The following D2HGDH variants were observed in gnomAD, a reference collection of about 807,000 sequenced individuals.
The protein encoded by D2HGDH is D-2-hydroxyglutarate dehydrogenase.
Under a neutral mutation model 46.9 loss-of-function variants are expected in D2HGDH, and 31 were observed. The ratio of observed to expected loss-of-function variants is 0.66; its 90% confidence interval spans 0.50 to 0.89. The LOEUF is 0.89. Ranked by LOEUF, D2HGDH falls within the 40% of genes least tolerant of loss-of-function variation. D2HGDH has a pLI of 0.00. For missense variants in D2HGDH, 698 were observed against 720.8 expected (o/e 0.97, Z 0.36); for synonymous variants, 364 against 332.6 (o/e 1.09, Z -1.03).
At chr2:241,747,981 T>C (rs1696319750) in intron 6 of D2HGDH, among the ~76,000 whole-genome samples, 1 of 152,210 alleles carries the variant, frequency 6.6e-6, no homozygotes, top group Non-Finnish European at 1.5e-5. Flanking sequence ...GGGGGTCTCC[T>C]GGATTCCTCA....
rs142073267 is a variant in D2HGDH, at chr2:241,750,287, G to A, written c.990G>A (p.Pro330=). The A allele has an allele frequency of 7.9e-4, 1,276 of 1,612,792 alleles. 11 individuals carry two copies. In the African/African-American group the frequency reaches 0.014, roughly 18 times the overall value. Residue 330 remains proline, a synonymous_variant, in exon 7 of 10, where the codon CCG becomes CCA. Transcript: ENST00000321264. ...GGCGCCATCTCCACCTGGCCAGCCC[G>A]GTGCAAGGTACTGACCCCCCACACA... ...LVGRHLHLAS[P]VQESPFYVLI... is the part of the protein sequence containing the mutation.
At chr2:241,740,917 G>A in intron 2 of D2HGDH, 116 bp from the exon 3 acceptor site, 1 of 813,794 alleles carries the variant, frequency 1.2e-6, no homozygotes, top group Non-Finnish European at 2.1e-6. Context: ...TTCAGCCTGG[G>A]CAACAGAGTG....
At chr2:241,746,042 T>C (rs1559367702) in intron 6 of D2HGDH, among the ~76,000 whole-genome samples, 1 of 152,230 alleles carries the variant, frequency 6.6e-6, no homozygotes, top group African/African-American at 2.4e-5. Context: ...TACGTTCTTT[T>C]TCATCTCCTT....
chr2:241,763,928 C>T (rs1400107553), intron 9 of D2HGDH, among the ~76,000 whole-genome samples: 1 of 152,096 alleles, frequency 6.6e-6, no homozygotes. Context: ...TACATGCCTG[C>T]AGTCCCAGCT....
intron 3 of D2HGDH, 65 bp downstream of exon 3, chr2:241,741,155 C>G (rs868598412): frequency 2.7e-6 from 4 of 1,490,480 alleles, no homozygotes; most frequent in South Asian, 2.3e-5. Context: ...CCTCATGGAG[C>G]CTGTGGGCAG....
At chr2:241,745,705 A>T (rs1411035960) in intron 6 of D2HGDH, among the ~76,000 whole-genome samples, 1 of 152,086 alleles carries the variant, frequency 6.6e-6, no homozygotes, top group African/African-American at 2.4e-5. Context: ...GTCTGGGATT[A>T]TGTTGCAAAC....
At position 241,743,548 on chromosome 2, in the gene D2HGDH, A is replaced by G; in HGVS notation, c.491-74A>G. On this transcript the variant is annotated intron_variant, in intron 4 of 9. Transcript: ENST00000321264. This position sits in a 1 kb window ranked among gnomAD's most constrained non-coding sequence, Gnocchi z 4.8. ...CTTCTGGGTGGCTTGCCTGTGCAAG[A>G]TGGGGGTTGGGACTCACCAGCCCGG... 1.3e-6 allele frequency: 2 copies of G among 1,537,302 alleles called. No individual in the cohort carries two copies. The highest frequency in any genetic ancestry group is 1.2e-5 in the South Asian group (1 of 85,428).
At chr2:241,754,312 GTGACCCAAGGGTCTGATC>G (rs1559387155) in intron 8 of D2HGDH, among the ~76,000 whole-genome samples, 1 of 152,188 alleles carries the variant, frequency 6.6e-6, no homozygotes, top group Admixed American at 6.5e-5. Flanking sequence ...AGGGCAGGGC[GTGACCCAAGGGTCTGATC>G]TGACCGAACT....
chr2:241,755,502 G>A (rs1216949999), intron 8 of D2HGDH: 1 of 1,347,762 alleles, frequency 7.4e-7, no homozygotes. Flanking sequence ...CTTCCGTCAT[G>A]GCTGTCCCCC....
intron 8 of D2HGDH, among the ~76,000 whole-genome samples, chr2:241,753,597 G>A (rs1288508479): frequency 2.0e-5 from 3 of 152,200 alleles, no homozygotes; most frequent in African/African-American, 7.2e-5. Flanking sequence ...CCGCTGCCGC[G>A]GGGGCCCTGT....
rs769335797 is a variant in D2HGDH at position 241,743,629 on chromosome 2, G to C, written c.498G>C (p.Leu166=). 1.2e-6 allele frequency: 2 copies of C among 1,613,314 alleles called. No individual in the cohort carries two copies. Among genetic ancestry groups the C allele is most frequent in the Non-Finnish European group, 1.7e-6 (2 of 1,179,892 alleles). Residue 166 remains leucine, a synonymous_variant, in exon 5 of 10, where the codon CTG becomes CTC. Coordinates refer to ENST00000321264, the MANE Select transcript of D2HGDH (RefSeq NM_152783.5). The surrounding 1 kb of genome is among the most constrained non-coding windows in gnomAD (Gnocchi z 4.8). The part of the protein sequence containing the change: ...VLSFHSVSGI[L]VCQAGCVLEE... ...CCTGGTCACTCTCTGCAGGAATTCT[G>C]GTTTGCCAGGCGGGCTGCGTCCTGG...
chr2:241,745,253 G>T (rs968984212), intron 6 of D2HGDH, among the ~76,000 whole-genome samples: 1 of 152,180 alleles, frequency 6.6e-6, no homozygotes, highest in Non-Finnish European at 1.5e-5. Flanking sequence ...TGGGGATAAA[G>T]AATTCCCTCC....
chr2:241,741,134 G>T (rs1379752616), intron 3 of D2HGDH, 44 bp downstream of exon 3: 6 of 1,584,652 alleles, frequency 3.8e-6, no homozygotes, highest in Non-Finnish European at 5.2e-6. Context: ...CCTGTTGCCT[G>T]TGGGTCATTT....
rs777210073 is a variant in D2HGDH at position 241,735,455 on chromosome 2, G to C, written c.231G>C (p.Gly77=). The C allele has an allele frequency of 6.2e-7, 1 of 1,609,746 alleles. No individual in the cohort carries two copies. Among genetic ancestry groups the C allele is most frequent in the East Asian group, 2.2e-5 (1 of 44,838 alleles). Residue 77 remains glycine, a synonymous_variant, in exon 2 of 10, where the codon GGG becomes GGC. Transcript: ENST00000321264. ...CCTTTGAGCGCATCGTGCCCGGCGGGGTCGTCACGGACCCGGAAGCGCTGC... is the reference window on the plus strand; with the variant it reads ...CCTTTGAGCGCATCGTGCCCGGCGGCGTCGTCACGGACCCGGAAGCGCTGC... ...LAAFERIVPG[G]VVTDPEALQA...
At chr2:241,744,188 C>G (rs975861989) in intron 5 of D2HGDH, among the ~76,000 whole-genome samples, 1 of 152,180 alleles carries the variant, frequency 6.6e-6, no homozygotes, top group Non-Finnish European at 1.5e-5. Context: ...TCTGTTTACC[C>G]GCACCCTCAC....
In D2HGDH at chr2:241,743,117, C is replaced by T. The variant is rs1046241594; in HGVS notation, c.491-505C>T. Among the ~76,000 whole-genome samples, 6 of 53,030 alleles carry T rather than the reference C, an allele frequency of 1.1e-4. 1 individual carries two copies. Among genetic ancestry groups the T allele is most frequent in the African/African-American group, 5.4e-4 (4 of 7,430 alleles). The allele number at this position is 53,030 out of a possible 152,430, so 34.8% of individuals were successfully genotyped here. The stretch of plus-strand genomic sequence containing the variant: ...ACCCAGGGTGCCAGGGCGTGGCAGG[C>T]ATGAGGGGATCCTGACCCAGGGCGC... On this transcript the variant is annotated intron_variant, in intron 4 of 9. Transcript: ENST00000321264. The surrounding 1 kb of genome is among the most constrained non-coding windows in gnomAD (Gnocchi z 4.8).
chr2:241,765,254 G>C (rs965120584), intron 9 of D2HGDH, among the ~76,000 whole-genome samples: 5 of 152,194 alleles, frequency 3.3e-5, no homozygotes, highest in Non-Finnish European at 7.3e-5. Context: ...GCCGCTCTCT[G>C]CCTGGGGAGA....
At chr2:241,740,533 T>G (rs1341613338) in intron 2 of D2HGDH, among the ~76,000 whole-genome samples, 2 of 152,236 alleles carry the variant, frequency 1.3e-5, no homozygotes, top group Non-Finnish European at 2.9e-5. Flanking sequence ...AGTTTTGGTT[T>G]TTTTGAGATG....
rs759551880 is a variant in D2HGDH, at chr2:241,751,259, C to T, written c.1011C>T (p.Tyr337=). 1.9e-5 allele frequency: 31 copies of T among 1,613,934 alleles called. No homozygotes were observed. The highest frequency in any genetic ancestry group is 8.8e-5 in the South Asian group (8 of 91,088). The part of the protein sequence containing the change: ...LASPVQESPF[Y]VLIETSGSNA... The stretch of plus-strand genomic sequence containing the variant: ...GCTCACTTCTAGAGAGTCCGTTTTA[C>T]GTCCTCATCGAGACTTCAGGCTCCA... The change falls in exon 8 of 10, where the codon TAC becomes TAT. Residue 337 remains tyrosine (Y), a synonymous_variant. Coordinates refer to ENST00000321264, the MANE Select transcript of D2HGDH (RefSeq NM_152783.5).
Sources: allele counts gnomAD v4.1 joint callset (sites outside exome capture counted in the v4.1 genomes callset), GRCh38; gene constraint gnomAD v4.1.1; non-coding constraint Gnocchi (gnomAD v3.1); transcripts MANE v1.5; gene names NCBI Gene and HGNC (gene_info 2026-07-23, HGNC 2026-07-21).